SORCS1: variants seen among roughly 807,000 people sequenced by gnomAD.
SORCS1 encodes the protein VPS10 domain-containing receptor SorCS1.
Under a neutral mutation model 146.1 loss-of-function variants are expected in SORCS1, and 60 were observed. The ratio of observed to expected loss-of-function variants is 0.41; its 90% CI spans 0.33 to 0.51. The LOEUF (loss-of-function observed/expected upper bound fraction) is 0.51. SORCS1 is among the 20% of genes least tolerant of loss of function. SORCS1 has a pLI of 0.21. For synonymous variants in SORCS1, 637 were observed against 584.0 expected (o/e 1.09, Z -1.31); for missense variants, 1,352 against 1,487.6 (o/e 0.91, Z 1.50).
At chr10:107,128,959 T>G (rs754616166) in intron 1 of SORCS1, among the ~76,000 whole-genome samples, 3 of 152,224 alleles carry the variant, frequency 2.0e-5, no homozygotes, top group Non-Finnish European at 4.4e-5. Context: ...AAACATATAA[T>G]GCACATCTGA....
chr10:106,963,811 T>G (rs2139098434), intron 1 of SORCS1, among the ~76,000 whole-genome samples: 1 of 152,260 alleles, frequency 6.6e-6, no homozygotes, highest in African/African-American at 2.4e-5. Context: ...AGGCAATAAT[T>G]TAAAAATACA....
intron 19 of SORCS1, among the ~76,000 whole-genome samples, chr10:106,625,026 A>G (rs1323566960): frequency 2.0e-5 from 3 of 152,194 alleles, no homozygotes; most frequent in Non-Finnish European, 4.4e-5. Context: ...GGTGCCTGCA[A>G]TGCACAAAAG....
At chr10:106,713,359 T>C (rs1280932340) in intron 6 of SORCS1, among the ~76,000 whole-genome samples, 1 of 152,250 alleles carries the variant, frequency 6.6e-6, no homozygotes, top group Non-Finnish European at 1.5e-5. Flanking sequence ...CCAACTAGAA[T>C]TTTTAAGACT....
chr10:106,662,522 G>A (rs1311400639), intron 17 of SORCS1, among the ~76,000 whole-genome samples: 1 of 152,124 alleles, frequency 6.6e-6, no homozygotes, highest in Non-Finnish European at 1.5e-5. Flanking sequence ...TCTCTGGCCA[G>A]CCCTACACTT....
chr10:106,737,641 C>A (rs1307651468), intron 5 of SORCS1, among the ~76,000 whole-genome samples: 1 of 152,046 alleles, frequency 6.6e-6, no homozygotes, highest in Non-Finnish European at 1.5e-5. Context: ...AGGCGAATTG[C>A]TTGAACTCAG....
intron 5 of SORCS1, among the ~76,000 whole-genome samples, chr10:106,759,557 T>G (rs1270558373): frequency 1.3e-5 from 2 of 152,210 alleles, no homozygotes; most frequent in Non-Finnish European, 2.9e-5. Flanking sequence ...TGTGATTTGT[T>G]CTTACTTTGC....
intron 1 of SORCS1, among the ~76,000 whole-genome samples, chr10:107,108,919 T>C (rs1044374224): frequency 2.0e-5 from 3 of 152,236 alleles, no homozygotes; most frequent in African/African-American, 7.2e-5. Flanking sequence ...CTACAGGCTT[T>C]ATGCAAGTTT....
At chr10:106,938,330 C>T (rs190043066) in intron 2 of SORCS1, among the ~76,000 whole-genome samples, 2 of 152,246 alleles carry the variant, frequency 1.3e-5, no homozygotes, top group Admixed American at 6.5e-5. Context: ...CCTACTACAA[C>T]GAGTCTAATA....
At chr10:106,666,242 C>T (rs1192586995) in intron 17 of SORCS1, among the ~76,000 whole-genome samples, 1 of 152,184 alleles carries the variant, frequency 6.6e-6, no homozygotes, top group Non-Finnish European at 1.5e-5. Context: ...CAGCTGAAGG[C>T]CTGAATTCAG....
intron 24 of SORCS1, among the ~76,000 whole-genome samples, chr10:106,582,373 T>G (rs533349393): frequency 1.3e-5 from 2 of 152,280 alleles, no homozygotes; most frequent in Admixed American, 1.3e-4. Flanking sequence ...CATCAGTCAG[T>G]CATTTCTCAG....
At chr10:106,896,177 C>G (rs1046429953) in intron 2 of SORCS1, among the ~76,000 whole-genome samples, 11 of 152,038 alleles carry the variant, frequency 7.2e-5, no homozygotes, top group Non-Finnish European at 1.5e-4. Flanking sequence ...GCCTGTATTC[C>G]TAGCACTTTG....
intron 1 of SORCS1, among the ~76,000 whole-genome samples, chr10:106,965,388 G>A (rs528403347): frequency 1.3e-5 from 2 of 152,202 alleles, no homozygotes; most frequent in African/African-American, 4.8e-5. Context: ...ACAAGGAACT[G>A]GTATTTCCAC....
chr10:106,928,229 C>T (rs1589725994), intron 2 of SORCS1, among the ~76,000 whole-genome samples: 1 of 152,348 alleles, frequency 6.6e-6, no homozygotes, highest in East Asian at 1.9e-4. Context: ...TGGTGGGCTG[C>T]AGGTCCCCAG....
intron 2 of SORCS1, among the ~76,000 whole-genome samples, chr10:106,883,044 G>A (rs547070693): frequency 6.6e-6 from 1 of 152,290 alleles, no homozygotes; most frequent in South Asian, 2.1e-4. Context: ...GAAAGACCTA[G>A]AAGAGGTTCT....
intron 2 of SORCS1, among the ~76,000 whole-genome samples, chr10:106,905,855 A>G (rs1951887107): frequency 6.6e-6 from 1 of 152,256 alleles, no homozygotes; most frequent in Non-Finnish European, 1.5e-5. Context: ...ACTGAATTTT[A>G]GAATTAAAAG....
intron 17 of SORCS1, among the ~76,000 whole-genome samples, chr10:106,653,456 A>C (rs1055503447): frequency 3.9e-5 from 6 of 152,232 alleles, no homozygotes; most frequent in African/African-American, 1.4e-4. Context: ...AGAGGTCAGC[A>C]AACTTTTTAT....
At position 106,707,274 on chromosome 10, in the gene SORCS1, C is replaced by T. The variant is rs61332944; in HGVS notation, c.1144-640G>A. On this transcript the variant is annotated intron_variant, in intron 7 of 25. Coordinates refer to ENST00000263054, the MANE Select transcript of SORCS1 (RefSeq NM_052918.5). ...CACTATCTCGGCTCACTGCAACCTC[C>T]GCCTCCCAGGTTCAAGTGATTCTCC... is the stretch of plus-strand genomic sequence containing the variant. Among the ~76,000 whole-genome samples the T allele has an allele frequency of 8.5e-3, 1,288 of 151,926 alleles. 22 individuals are homozygous for T. Among genetic ancestry groups the T allele is most frequent in the African/African-American group, 0.03 (1,223 of 41,334 alleles).
chr10:107,045,196 T>C (rs1346139672), intron 1 of SORCS1, among the ~76,000 whole-genome samples: 2 of 152,210 alleles, frequency 1.3e-5, no homozygotes, highest in African/African-American at 2.4e-5. Flanking sequence ...GGACAGTGGC[T>C]ATAAGCTTAA....
chr10:106,992,822 CTTTCTTTTTTTTT>C (rs1956822840), intron 1 of SORCS1, among the ~76,000 whole-genome samples: 1 of 98,794 alleles, frequency 1.0e-5, no homozygotes, highest in Non-Finnish European at 1.8e-5. Flanking sequence ...TCCTTTCTTT[CTTTCTTTTTTTTT>C]TTTTTTTTTT....
Sources: allele counts gnomAD v4.1 joint callset (sites outside exome capture counted in the v4.1 genomes callset), GRCh38; gene constraint gnomAD v4.1.1; transcripts MANE v1.5; gene names NCBI Gene and HGNC (gene_info 2026-07-23, HGNC 2026-07-21).